CCDC144A: variants seen among roughly 807,000 people sequenced by gnomAD.
CCDC144A encodes coiled-coil domain-containing protein 144A.
Under a neutral mutation model 143.8 loss-of-function variants are expected in CCDC144A, and 41 were observed. That is an observed-to-expected ratio of 0.29 (90% CI 0.22 to 0.37). CCDC144A has a LOEUF of 0.37. CCDC144A is among the 10% of genes least tolerant of loss of function. CCDC144A has a pLI of 1.00. For synonymous variants in CCDC144A, 242 were observed against 517.9 expected (o/e 0.47, Z 7.23); for missense variants, 637 against 1,488.8 (o/e 0.43, Z 9.41).
At chr17:16,715,389 T>C (rs1339457844) in intron 6 of CCDC144A, among the ~76,000 whole-genome samples, 1 of 151,952 alleles carries the variant, frequency 6.6e-6, no homozygotes, top group Admixed American at 6.6e-5. Context: ...TTATATGCGT[T>C]TTTGGATTTT....
intron 5 of CCDC144A, among the ~76,000 whole-genome samples, chr17:16,710,929 A>G (rs1912368922): frequency 6.8e-6 from 1 of 147,562 alleles, no homozygotes; most frequent in Non-Finnish European, 1.5e-5. Context: ...GCTTTAGCCC[A>G]GTTATCTATA....
At chr17:16,718,118 A>C (rs1912877561) in intron 6 of CCDC144A, among the ~76,000 whole-genome samples, 1 of 152,052 alleles carries the variant, frequency 6.6e-6, no homozygotes, top group African/African-American at 2.4e-5. Flanking sequence ...GCTAGAGAAT[A>C]CTCAACTATA....
chr17:16,765,754 T>A (rs1181556350), intron 15 of CCDC144A: 11 of 152,014 alleles, frequency 7.2e-5, no homozygotes, highest in Admixed American at 1.3e-4. Context: ...ATATTTTTAA[T>A]CATATTGTTC....
chr17:16,767,022 C>G (rs150919920), intron 15 of CCDC144A: 2 of 152,274 alleles, frequency 1.3e-5, no homozygotes, highest in Non-Finnish European at 2.9e-5. Flanking sequence ...GTGCTGGGTA[C>G]GGAGGCTCAC....
the CCDC144A span, among the ~76,000 whole-genome samples, chr17:16,682,917 T>TTTTTTTTTTTTTC: frequency 9.5e-6 from 1 of 105,702 alleles, no homozygotes. Flanking sequence ...TTTTTTTTTT[T>TTTTTTTTTTTTTC]TTGAGACAGA....
the CCDC144A span, among the ~76,000 whole-genome samples, chr17:16,670,839 A>G: frequency 3.3e-5 from 5 of 152,090 alleles, no homozygotes; most frequent in Non-Finnish European, 5.9e-5. Flanking sequence ...CAACTGAAGT[A>G]ATGCATACAT....
chr17:16,728,032 G>T (rs1375632800), intron 9 of CCDC144A: 7 of 308,370 alleles, frequency 2.3e-5, no homozygotes, highest in Non-Finnish European at 3.1e-5. Flanking sequence ...TATAATTAAT[G>T]ATGTAAGGAA....
At chr17:16,684,249 A>G in the CCDC144A span, 2 of 858,132 alleles carry the variant, frequency 2.3e-6, no homozygotes, top group Non-Finnish European at 2.0e-6. Context: ...TTAAATGTTC[A>G]TGTCCCATGG....
the CCDC144A span, among the ~76,000 whole-genome samples, chr17:16,680,772 A>G: frequency 6.6e-6 from 1 of 152,086 alleles, no homozygotes; most frequent in Non-Finnish European, 1.5e-5. Context: ...CAAACAACAG[A>G]ACCAAAACAA....
Position 16,750,123 on chromosome 17 carries a change from G to A in CCDC144A, c.3373-11302G>A, listed in dbSNP as rs2586637. Among the ~76,000 whole-genome samples the A allele has an allele frequency of 3.9e-5, 6 of 152,204 alleles. No individual in the cohort carries two copies. The East Asian group carries it at 1.2e-3, about 29-fold the overall frequency. On this transcript the variant is annotated intron_variant, in intron 12 of 16. Coordinates refer to ENST00000399273, the MANE Select transcript of CCDC144A (RefSeq NM_001382000.1). The stretch of plus-strand genomic sequence containing the variant: ...ATTAATATTTATATGTGAGATTTTG[G>A]TTCTGCCATGATGTTTTTAGCTGTT...
intron 12 of CCDC144A, among the ~76,000 whole-genome samples, chr17:16,739,392 C>T (rs1914160039): frequency 6.8e-6 from 1 of 146,006 alleles, no homozygotes. Flanking sequence ...AGGTGTAAGC[C>T]ACCATGCCCA....
chr17:16,734,522 A>G (rs1280955284), intron 11 of CCDC144A, among the ~76,000 whole-genome samples, 168 bp from the exon 12 acceptor site: 1 of 152,162 alleles, frequency 6.6e-6, no homozygotes, highest in African/African-American at 2.4e-5. Context: ...AAACTTATGA[A>G]GTTTTGGGAA....
In CCDC144A at chr17:16,774,850, C is replaced by G. The variant is rs1215777961; in HGVS notation, c.*1217C>G. On this transcript the variant is annotated 3_prime_UTR_variant, in exon 17 of 17. Transcript: ENST00000399273. ...CATCCATTAGCTGTTCTTCACGATG[C>G]TCTCCCTTCTTTCACCCGCCACCAT... 1 of 143,562 alleles carries G rather than the reference C, an allele frequency of 7.0e-6. No individual in the cohort carries two copies. The highest frequency in any genetic ancestry group is 6.7e-5 in the Admixed American group (1 of 14,838). The allele number at this position is 143,562 out of a possible 1,614,324, so 8.9% of individuals were successfully genotyped here. A position where few individuals can be genotyped will look rare whatever the true frequency, so the allele number is the denominator to read the frequency against.
chr17:16,760,019 G>A (rs575756257), intron 12 of CCDC144A, among the ~76,000 whole-genome samples: 16 of 152,184 alleles, frequency 1.1e-4, no homozygotes, highest in Non-Finnish European at 1.8e-4. Context: ...TGGCTGGGAC[G>A]TTAGGTAGGG....
chr17:16,677,650 G>A, the CCDC144A span, among the ~76,000 whole-genome samples: 4 of 151,868 alleles, frequency 2.6e-5, no homozygotes, highest in African/African-American at 7.3e-5. Flanking sequence ...CTGGCCACAT[G>A]GTGAAACCGC....
upstream of CCDC144A, among the ~76,000 whole-genome samples, chr17:16,689,272 T>C (rs1483027756): frequency 6.6e-6 from 1 of 152,116 alleles, no homozygotes; most frequent in African/African-American, 2.4e-5. Context: ...ATCAGCTCAC[T>C]GCAACGTTCA....
At chr17:16,699,328 T>C (rs1911587863) in intron 2 of CCDC144A, among the ~76,000 whole-genome samples, 1 of 149,370 alleles carries the variant, frequency 6.7e-6, no homozygotes. Flanking sequence ...TTAAAAGTCC[T>C]GTTGATCCTT....
At chr17:16,754,067 A>G (rs1405460766) in intron 12 of CCDC144A, among the ~76,000 whole-genome samples, 1 of 152,160 alleles carries the variant, frequency 6.6e-6, no homozygotes, top group Non-Finnish European at 1.5e-5. Context: ...CTGGTTATGC[A>G]CTTCCAGGAA....
At chr17:16,722,553 T>A (rs1913152826) in intron 8 of CCDC144A, among the ~76,000 whole-genome samples, 1 of 152,124 alleles carries the variant, frequency 6.6e-6, no homozygotes, top group African/African-American at 2.4e-5. Flanking sequence ...ATATTAGGGT[T>A]CAGTCTCGGT....
Sources: allele counts gnomAD v4.1 joint callset (sites outside exome capture counted in the v4.1 genomes callset), GRCh38; gene constraint gnomAD v4.1.1; transcripts MANE v1.5; gene names NCBI Gene and HGNC (gene_info 2026-07-23, HGNC 2026-07-21).